LRRTM4: variants seen among roughly 807,000 people sequenced by gnomAD.
The protein encoded by LRRTM4 is leucine-rich repeat transmembrane neuronal protein 4.
In LRRTM4, 25 loss-of-function variants were observed where a neutral mutation model predicts 47.6. The ratio of observed to expected loss-of-function variants is 0.53; its 90% CI spans 0.38 to 0.73. The LOEUF is 0.73. Ranked by LOEUF, LRRTM4 falls within the 30% of genes least tolerant of loss-of-function variation. The pLI is 0.00. For missense variants in LRRTM4, 638 were observed against 713.4 expected, an observed-to-expected ratio of 0.89 and a Z score of 1.20; for synonymous variants, 311 against 269.5, an observed-to-expected ratio of 1.15 and a Z score of -1.51.
chr2:76,797,573 C>G (rs564098953), intron 3 of LRRTM4, among the ~76,000 whole-genome samples: 2 of 150,906 alleles, frequency 1.3e-5, no homozygotes, highest in African/African-American at 4.9e-5. Flanking sequence ...AGCAAAAGAG[C>G]GAGCTAACAT....
intron 3 of LRRTM4, among the ~76,000 whole-genome samples, chr2:77,288,834 C>A (rs1180308143): frequency 6.6e-6 from 1 of 152,028 alleles, no homozygotes; most frequent in Non-Finnish European, 1.5e-5. Context: ...TGCCATGTTT[C>A]TCCACAGCAG....
intron 3 of LRRTM4, among the ~76,000 whole-genome samples, chr2:76,942,706 T>TGTGTGTGTGTGTGTGTGTGTGTG (rs1573347298): frequency 1.2e-5 from 1 of 81,492 alleles, no homozygotes; most frequent in African/African-American, 7.1e-5. Context: ...GTGTGTGTGT[T>TGTGTGTGTGTGTGTGTGTGTGTG]TAAATCTGTA....
Position 76,807,765 on chromosome 2 carries a change from T to C in LRRTM4, c.1552-58849A>G, listed in dbSNP as rs187238534. Among the ~76,000 whole-genome samples, 791 of 151,686 alleles carry C rather than the reference T, an allele frequency of 5.2e-3. 9 individuals are homozygous for C. Among genetic ancestry groups the C allele is most frequent in the Non-Finnish European group, 7.5e-3 (508 of 67,884 alleles). On this transcript the variant is annotated intron_variant, in intron 3 of 3. Transcript: ENST00000409884. ...TGCCTCCACACCTGACTAACTTTTA[T>C]ATTTTTAGTAGAGACAGGATTTCAC... is the stretch of plus-strand genomic sequence containing the variant.
At chr2:77,253,872 G>A (rs997470401) in intron 3 of LRRTM4, among the ~76,000 whole-genome samples, 5 of 152,184 alleles carry the variant, frequency 3.3e-5, no homozygotes, top group Admixed American at 6.6e-5. Flanking sequence ...TCTGTGGGAC[G>A]ATTACAAAAG....
intron 3 of LRRTM4, among the ~76,000 whole-genome samples, chr2:76,888,655 A>G (rs1673154699): frequency 6.6e-6 from 1 of 151,794 alleles, no homozygotes; most frequent in African/African-American, 2.4e-5. Flanking sequence ...AATTTATTTT[A>G]ATTATTCATT....
In LRRTM4 at chr2:77,324,473, G is replaced by A. The variant is rs551734440; in HGVS notation, c.1551+193845C>T. On this transcript the variant is annotated intron_variant, in intron 3 of 3. Coordinates refer to ENST00000409884, the MANE Select transcript of LRRTM4 (RefSeq NM_001134745.3). ...CAGGAAATAAGGATCCCCTGAAGATGTGATTTTTATCTTTCCCCTAAACGC... is the reference window on the plus strand; with the variant it reads ...CAGGAAATAAGGATCCCCTGAAGATATGATTTTTATCTTTCCCCTAAACGC... Among the ~76,000 whole-genome samples, 196 of 152,236 alleles carry A rather than the reference G, an allele frequency of 1.3e-3. 1 individual carries two copies. The highest frequency in any genetic ancestry group is 4.5e-3 in the African/African-American group (189 of 41,554).
intron 3 of LRRTM4, among the ~76,000 whole-genome samples, chr2:76,875,704 C>T (rs1672758801): frequency 6.6e-6 from 1 of 152,140 alleles, no homozygotes; most frequent in Non-Finnish European, 1.5e-5. Flanking sequence ...TTACCCACTG[C>T]CATTGAGGAG....
At chr2:77,262,701 T>C (rs1224750108) in intron 3 of LRRTM4, among the ~76,000 whole-genome samples, 1 of 152,018 alleles carries the variant, frequency 6.6e-6, no homozygotes, top group Non-Finnish European at 1.5e-5. Flanking sequence ...GGTTAACTCA[T>C]GGTTAATATT....
At chr2:76,853,025 G>A (rs1672043497) in intron 3 of LRRTM4, among the ~76,000 whole-genome samples, 1 of 152,170 alleles carries the variant, frequency 6.6e-6, no homozygotes, top group East Asian at 1.9e-4. Flanking sequence ...AGAGCAGGTA[G>A]AATATAGAGA....
intron 3 of LRRTM4, among the ~76,000 whole-genome samples, chr2:77,321,814 T>A (rs1370903530): frequency 6.6e-6 from 1 of 152,108 alleles, no homozygotes; most frequent in Non-Finnish European, 1.5e-5. Context: ...GGCAAGGTAT[T>A]AATTCTGGGA....
chr2:77,328,785 T>G (rs1401367518), intron 3 of LRRTM4, among the ~76,000 whole-genome samples: 1 of 152,156 alleles, frequency 6.6e-6, no homozygotes, highest in East Asian at 1.9e-4. Context: ...GGCTGCACTA[T>G]AGGCACATAA....
At chr2:77,235,847 G>A (rs971302345) in intron 3 of LRRTM4, among the ~76,000 whole-genome samples, 1 of 151,898 alleles carries the variant, frequency 6.6e-6, no homozygotes, top group East Asian at 1.9e-4. Context: ...TTATTTCTGG[G>A]TTCTTCATTC....
rs115054746 is a variant in LRRTM4 at position 77,002,051 on chromosome 2, C to T, written c.1552-253135G>A. Reference sequence around the variant, plus strand: ...TCTTCCACACAATTTATAAAATACACGCTTAACATTTTACTCTCTTAGAAT... The same window carrying T: ...TCTTCCACACAATTTATAAAATACATGCTTAACATTTTACTCTCTTAGAAT... On this transcript the variant is annotated intron_variant, in intron 3 of 3. Coordinates refer to ENST00000409884, the MANE Select transcript of LRRTM4 (RefSeq NM_001134745.3). Among the ~76,000 whole-genome samples, 346 of 152,222 alleles carry T rather than the reference C, an allele frequency of 2.3e-3. 5 individuals carry two copies. The highest frequency in any genetic ancestry group is 6.9e-3 in the African/African-American group (285 of 41,544).
At chr2:77,110,001 C>G in intron 3 of LRRTM4, among the ~76,000 whole-genome samples, 1 of 151,804 alleles carries the variant, frequency 6.6e-6, no homozygotes. Context: ...AAATACAAAT[C>G]TTATTACAAT....
At chr2:76,763,861 C>A (rs1478539386) in intron 3 of LRRTM4, among the ~76,000 whole-genome samples, 1 of 152,096 alleles carries the variant, frequency 6.6e-6, no homozygotes, top group Non-Finnish European at 1.5e-5. Flanking sequence ...TTTAGAAACA[C>A]CCCTTGCCTC....
intron 3 of LRRTM4, among the ~76,000 whole-genome samples, chr2:76,999,581 T>C (rs1239949282): frequency 1.3e-5 from 2 of 152,108 alleles, no homozygotes; most frequent in Non-Finnish European, 2.9e-5. Context: ...TTTTGAATCA[T>C]GACAGGAATA....
At position 76,881,255 on chromosome 2, in the gene LRRTM4, A is replaced by G. The variant is rs554387348; in HGVS notation, c.1552-132339T>C. On this transcript the variant is annotated intron_variant, in intron 3 of 3. Transcript: ENST00000409884. The stretch of plus-strand genomic sequence containing the variant: ...TCAGCTCAAACACAGAATTCTGTAC[A>G]GCCTAATTAGCAATCAAGTTTGAGG... 5.1e-4 allele frequency among the ~76,000 whole-genome samples: 78 copies of G among 152,316 alleles called. No homozygotes were observed. The South Asian group carries it at 0.016, about 31-fold the overall frequency.
chr2:76,788,361 A>C (rs989256829), intron 3 of LRRTM4, among the ~76,000 whole-genome samples: 1 of 152,202 alleles, frequency 6.6e-6, no homozygotes, highest in East Asian at 1.9e-4. Context: ...ATTATCAGAA[A>C]TTGTAAAATT....
intron 3 of LRRTM4, among the ~76,000 whole-genome samples, chr2:77,363,625 C>A (rs936270444): frequency 6.6e-6 from 1 of 152,164 alleles, no homozygotes; most frequent in Non-Finnish European, 1.5e-5. Context: ...AAATTCTATT[C>A]TGATTCAGAA....
Sources: gnomAD v4.1 joint callset for allele counts (sites outside exome capture counted in the v4.1 genomes callset) on GRCh38, gnomAD v4.1.1 for gene constraint, MANE v1.5 for transcripts, NCBI Gene and HGNC (gene_info 2026-07-23, HGNC 2026-07-21) for gene names.